The following LINGO2 variants were observed in gnomAD, a reference collection of about 807,000 sequenced individuals.
The protein encoded by LINGO2 is leucine rich repeat and Ig domain containing 2.
In LINGO2, 14 loss-of-function variants were observed where a neutral mutation model predicts 30.6. The ratio of observed to expected loss-of-function variants is 0.46; its 90% CI spans 0.30 to 0.72. LINGO2 has a LOEUF of 0.72. Ranked by LOEUF, LINGO2 falls within the 30% of genes least tolerant of loss-of-function variation. LINGO2 has a pLI of 0.07. For missense variants in LINGO2, 729 were observed against 751.7 expected, an observed-to-expected ratio of 0.97 and a Z score of 0.35; for synonymous variants, 317 against 288.5, an observed-to-expected ratio of 1.10 and a Z score of -1.00.
intron 4 of LINGO2, among the ~76,000 whole-genome samples, chr9:28,046,754 A>G (rs186167364): frequency 1.1e-3 from 158 of 150,118 alleles, no homozygotes; most frequent in African/African-American, 3.9e-3. Flanking sequence ...CTACCACGAT[A>G]TTGTCCCCTG....
intron 4 of LINGO2, among the ~76,000 whole-genome samples, chr9:28,042,290 C>T (rs1824230284): frequency 6.6e-6 from 1 of 152,168 alleles, no homozygotes; most frequent in African/African-American, 2.4e-5. Context: ...ATCTCCATGA[C>T]TATCACCCCT....
Position 28,553,139 on chromosome 9 carries a change from C to A in LINGO2, c.-364-77114G>T, listed in dbSNP as rs185648196. On this transcript the variant is annotated intron_variant, in intron 1 of 5. Transcript: ENST00000379992. ...GCTCCTCACCAGCAACGGAACAAAG[C>A]TGGATGGAGAATGACTTTGACAAGC... Among the ~76,000 whole-genome samples the A allele has an allele frequency of 2.8e-3, 421 of 152,192 alleles. 9 individuals carry two copies. Among genetic ancestry groups the A allele is most frequent in the Non-Finnish European group, 3.0e-3 (204 of 68,024 alleles).
intron 5 of LINGO2, among the ~76,000 whole-genome samples, chr9:27,974,526 C>T (rs1482585919): frequency 2.0e-5 from 3 of 152,076 alleles, no homozygotes; most frequent in African/African-American, 7.2e-5. Flanking sequence ...CCTCGAAGAA[C>T]CTGCAACACA....
At chr9:29,122,314 CA>C in the LINGO2 span, among the ~76,000 whole-genome samples, 1 of 151,784 alleles carries the variant, frequency 6.6e-6, no homozygotes, top group African/African-American at 2.4e-5. Context: ...GTAGAGTATA[CA>C]ATACTTTTTA....
chr9:28,457,366 A>G (rs1265124937), intron 2 of LINGO2, among the ~76,000 whole-genome samples: 1 of 152,160 alleles, frequency 6.6e-6, no homozygotes, highest in Admixed American at 6.6e-5. Flanking sequence ...ACTAAACTAT[A>G]TTCCATAACC....
intron 4 of LINGO2, among the ~76,000 whole-genome samples, chr9:28,250,084 T>C (rs2134006353): frequency 6.6e-6 from 1 of 152,174 alleles, no homozygotes; most frequent in Non-Finnish European, 1.5e-5. Flanking sequence ...CTGAAAATTA[T>C]CAAAAAGTGA....
chr9:28,528,835 T>C (rs912517309), intron 1 of LINGO2, among the ~76,000 whole-genome samples: 2 of 152,136 alleles, frequency 1.3e-5, no homozygotes, highest in African/African-American at 4.8e-5. Flanking sequence ...TGTTTGTGTA[T>C]ATATATTCAA....
At chr9:28,615,539 G>A (rs551808583) in intron 1 of LINGO2, among the ~76,000 whole-genome samples, 32 of 152,040 alleles carry the variant, frequency 2.1e-4, no homozygotes, top group African/African-American at 7.0e-4. Context: ...CATTGAATCC[G>A]TAATATACAA....
intron 4 of LINGO2, chr9:28,149,309 T>A: frequency 1.8e-6 from 1 of 565,492 alleles, no homozygotes; most frequent in Non-Finnish European, 3.1e-6. Flanking sequence ...CATCTCTGCC[T>A]GCACCATCTG....
chr9:29,146,548 T>A, the LINGO2 span, among the ~76,000 whole-genome samples: 10 of 152,198 alleles, frequency 6.6e-5, no homozygotes, highest in Non-Finnish European at 1.0e-4. Flanking sequence ...ATAATTCTTA[T>A]AGAAAACCAG....
intron 4 of LINGO2, among the ~76,000 whole-genome samples, chr9:28,017,628 A>G (rs1468853656): frequency 6.6e-6 from 1 of 152,194 alleles, no homozygotes; most frequent in Non-Finnish European, 1.5e-5. Context: ...AAACAGAGTA[A>G]AATACCTAGG....
the LINGO2 span, among the ~76,000 whole-genome samples, chr9:29,090,857 T>C: frequency 6.6e-6 from 1 of 152,148 alleles, no homozygotes; most frequent in African/African-American, 2.4e-5. Context: ...TTTTCTATTA[T>C]GGTATTATAT....
Position 28,014,119 on chromosome 9 carries a change from G to A in LINGO2, c.-86-1714C>T, listed in dbSNP as rs141988134. Among the ~76,000 whole-genome samples, 637 of 152,176 alleles carry A rather than the reference G, an allele frequency of 4.2e-3. 4 individuals are homozygous for A. The highest frequency in any genetic ancestry group is 0.015 in the African/African-American group (605 of 41,532). On this transcript the variant is annotated intron_variant, in intron 4 of 5. Coordinates refer to ENST00000379992, the Ensembl canonical transcript of LINGO2. ...GACGTGGTTACCACTCAGAAATTAT[G>A]GCAAGTTAATCTGCAGGCCTTATTC...
chr9:29,189,528 C>T, the LINGO2 span, among the ~76,000 whole-genome samples: 7 of 150,724 alleles, frequency 4.6e-5, no homozygotes, highest in East Asian at 1.4e-3. Context: ...ACATCTCAGA[C>T]GATGGGAGGC....
intron 4 of LINGO2, among the ~76,000 whole-genome samples, chr9:28,017,988 T>A (rs1822925306): frequency 6.6e-6 from 1 of 152,116 alleles, no homozygotes; most frequent in African/African-American, 2.4e-5. Flanking sequence ...CAAAACAGCA[T>A]GGTATTGGAA....
chr9:29,207,397 T>G, the LINGO2 span, among the ~76,000 whole-genome samples: 1 of 152,044 alleles, frequency 6.6e-6, no homozygotes, highest in Non-Finnish European at 1.5e-5. Context: ...CAGCTAACCA[T>G]AGTTACATTA....
chr9:28,470,124 T>C (rs975597850), intron 2 of LINGO2, among the ~76,000 whole-genome samples: 1 of 152,138 alleles, frequency 6.6e-6, no homozygotes, highest in African/African-American at 2.4e-5. Context: ...TTCCTATGCA[T>C]TGGAGTTAAG....
At chr9:29,174,204 A>G in the LINGO2 span, among the ~76,000 whole-genome samples, 1 of 152,090 alleles carries the variant, frequency 6.6e-6, no homozygotes, top group Admixed American at 6.5e-5. Flanking sequence ...ATCTCACACT[A>G]TATTTTTGAA....
At chr9:29,180,847 T>G in the LINGO2 span, among the ~76,000 whole-genome samples, 1 of 151,954 alleles carries the variant, frequency 6.6e-6, no homozygotes, top group African/African-American at 2.4e-5. Flanking sequence ...AAAATAACAG[T>G]AAGGGAAGAA....
Sources: allele counts gnomAD v4.1 joint callset (sites outside exome capture counted in the v4.1 genomes callset), GRCh38; gene constraint gnomAD v4.1.1; transcripts MANE v1.5; gene names NCBI Gene and HGNC (gene_info 2026-07-23, HGNC 2026-07-21).